The following KCNQ5 variants were observed in gnomAD, a reference collection of about 807,000 sequenced individuals.
KCNQ5 encodes the protein potassium voltage-gated channel subfamily KQT member 5.
Under a neutral mutation model 98.2 loss-of-function variants are expected in KCNQ5, and 30 were observed. The ratio of observed to expected loss-of-function variants is 0.31; its 90% CI spans 0.23 to 0.41. The LOEUF (loss-of-function observed/expected upper bound fraction) is 0.41. KCNQ5 is among the 10% of genes least tolerant of loss of function. KCNQ5 has a pLI of 1.00. For missense variants in KCNQ5, 835 were observed against 1,182.5 expected (o/e 0.71, Z 4.31); for synonymous variants, 458 against 449.4 (o/e 1.02, Z -0.24).
chr6:72,783,851 G>T (rs551947791), intron 1 of KCNQ5, among the ~76,000 whole-genome samples: 1 of 152,280 alleles, frequency 6.6e-6, no homozygotes, highest in East Asian at 1.9e-4. Context: ...GCTGTTTTTG[G>T]ATTGGAGGCT....
rs1765720859 is a variant in KCNQ5 at position 73,194,768 on chromosome 6, T to A, written c.2153T>A (p.Ile718Asn). Residue 718 changes from isoleucine to asparagine, a missense_variant, in exon 14 of 14, where the codon ATT becomes AAT. This residue lies in a region of KCNQ5 where 416 missense variants were observed against 446.9 expected (regional missense o/e 0.93). Transcript: ENST00000370398. ...CACAGTCAAGCAACACAGGTGCCAA[T>A]TAGTCAAAGCGATGGCTCAGCAGTG... Reference protein sequence around the residue: ...TMHSQATQVPISQSDGSAVAA... With the variant: ...TMHSQATQVPNSQSDGSAVAA... 1 of 1,614,072 alleles carries A rather than the reference T, an allele frequency of 6.2e-7. No homozygotes were observed. The highest frequency in any genetic ancestry group is 1.3e-5 in the African/African-American group (1 of 74,932).
Position 73,194,637 on chromosome 6 carries a change from C to A in KCNQ5, c.2022C>A (p.Gly674=). 6.2e-7 allele frequency: 1 copy of A among 1,614,246 alleles called. No individual in the cohort carries two copies. Residue 674 remains glycine (G), a synonymous_variant, in exon 14 of 14, where the codon GGC becomes GGA. Transcript: ENST00000370398. ...KDLSGSAQNS[G]CLSRSTSANI... is the part of the protein sequence containing the mutation. ...TTTCGGGTTCCGCACAAAACAGTGGCTGCTTATCCAGATCAACTAGTGCCA... is the reference window on the plus strand; with the variant it reads ...TTTCGGGTTCCGCACAAAACAGTGGATGCTTATCCAGATCAACTAGTGCCA...
chr6:72,733,916 T>C (rs114255956), intron 1 of KCNQ5, among the ~76,000 whole-genome samples: 1,680 of 152,276 alleles, frequency 0.011, 31 homozygotes, highest in African/African-American at 0.036. Context: ...AGTGCTCTAC[T>C]CAGTAATTCA....
Position 72,795,767 on chromosome 6 carries a change from T to C in KCNQ5, c.398+173180T>C, listed in dbSNP as rs182095138. On this transcript the variant is annotated intron_variant, in intron 1 of 13. Coordinates refer to ENST00000370398, the MANE Select transcript of KCNQ5 (RefSeq NM_019842.4). Reference sequence around the variant, plus strand: ...CCAAAAGTTTACACAAAAATTGTTTTAATCTGATTTTCCCCATCCCAGCTA... The same window carrying C: ...CCAAAAGTTTACACAAAAATTGTTTCAATCTGATTTTCCCCATCCCAGCTA... 1.9e-3 allele frequency among the ~76,000 whole-genome samples: 291 copies of C among 152,314 alleles called. 3 individuals are homozygous for C. The highest frequency in any genetic ancestry group is 0.013 in the Admixed American group (201 of 15,296).
At chr6:73,167,485 A>G (rs1368076760) in intron 10 of KCNQ5, among the ~76,000 whole-genome samples, 2 of 152,228 alleles carry the variant, frequency 1.3e-5, no homozygotes, top group Non-Finnish European at 2.9e-5. Context: ...TGCCACCTTC[A>G]TGGCCTCAGA....
In KCNQ5 at chr6:72,645,204, C is replaced by CAAA. The variant is rs771967081; in HGVS notation, c.398+22624_398+22626dup. Among the ~76,000 whole-genome samples the CAAA allele has an allele frequency of 3.5e-4, 41 of 117,136 alleles. 1 individual carries two copies. The highest frequency in any genetic ancestry group is 5.3e-4 in the Non-Finnish European group (31 of 58,736). 76.8% of individuals were successfully genotyped at this position (117,136 alleles called of 152,430 possible). The stretch of plus-strand genomic sequence containing the variant: ...GGGCTATATAGTGAGACCTTGTCAC[C>CAAA]AAAAAAAAACAAAAAAAAACAAAAA... On this transcript the variant is annotated intron_variant, in intron 1 of 13. Transcript: ENST00000370398.
chr6:72,815,741 G>A (rs961710371), intron 1 of KCNQ5, among the ~76,000 whole-genome samples: 1 of 152,140 alleles, frequency 6.6e-6, no homozygotes, highest in Non-Finnish European at 1.5e-5. Flanking sequence ...AATGAGACTG[G>A]TGCAAGAGGG....
At chr6:72,875,790 T>C (rs1394874882) in intron 1 of KCNQ5, among the ~76,000 whole-genome samples, 1 of 152,114 alleles carries the variant, frequency 6.6e-6, no homozygotes, top group African/African-American at 2.4e-5. Flanking sequence ...AATAATATTA[T>C]CATCACTAAT....
At chr6:73,048,048 A>G (rs1241006007) in intron 3 of KCNQ5, among the ~76,000 whole-genome samples, 2 of 152,252 alleles carry the variant, frequency 1.3e-5, no homozygotes, top group Non-Finnish European at 2.9e-5. Context: ...GCTGTATGGC[A>G]CCAAATGGGC....
rs1192771782 is a variant in KCNQ5, at chr6:72,912,273, AACTT to A, written c.399-91633_399-91630del. 5.3e-5 allele frequency among the ~76,000 whole-genome samples: 8 copies of A among 152,326 alleles called. No homozygotes were observed. The South Asian group carries it at 1.7e-3, about 32-fold the overall frequency. ...TGTACATATAGGTAAATCAAAAAAA[AACTT>A]AATGGGCATATTAATTCATAACTTT... On this transcript the variant is annotated intron_variant, in intron 1 of 13. Coordinates refer to ENST00000370398, the MANE Select transcript of KCNQ5 (RefSeq NM_019842.4).
rs114559788 is a variant in KCNQ5 at position 73,113,558 on chromosome 6, C to T, written c.1125+2155C>T. Reference sequence around the variant, plus strand: ...CCACTTCTCAAGTGTTCAATAGCTACAGGTGGCTATCGGCTGCCATACCAT... The same window carrying T: ...CCACTTCTCAAGTGTTCAATAGCTATAGGTGGCTATCGGCTGCCATACCAT... On this transcript the variant is annotated intron_variant, in intron 7 of 13. Transcript: ENST00000370398. Among the ~76,000 whole-genome samples the T allele has an allele frequency of 1.6e-3, 249 of 152,364 alleles. 1 individual carries two copies. Among genetic ancestry groups the T allele is most frequent in the African/African-American group, 5.2e-3 (216 of 41,586 alleles).
intron 1 of KCNQ5, among the ~76,000 whole-genome samples, chr6:72,859,962 C>CA (rs35054020): frequency 0.1 from 14,089 of 137,750 alleles, 1,800 homozygotes; most frequent in African/African-American, 0.3. Context: ...TCCTATTCAC[C>CA]AAAAAAAAAA....
intron 1 of KCNQ5, among the ~76,000 whole-genome samples, chr6:72,717,751 C>T (rs1308871097): frequency 2.0e-5 from 3 of 152,136 alleles, no homozygotes; most frequent in Non-Finnish European, 1.5e-5. Context: ...TGTTATCATC[C>T]ATCTAAGCCA....
intron 1 of KCNQ5, among the ~76,000 whole-genome samples, chr6:72,641,233 G>A (rs2098927023): frequency 6.6e-6 from 1 of 152,088 alleles, no homozygotes; most frequent in Non-Finnish European, 1.5e-5. Context: ...AATATTTCCT[G>A]AAATCAAGCA....
At chr6:72,831,156 T>G (rs570584227) in intron 1 of KCNQ5, among the ~76,000 whole-genome samples, 2 of 152,184 alleles carry the variant, frequency 1.3e-5, no homozygotes, top group African/African-American at 4.8e-5. Flanking sequence ...TCTACCATTG[T>G]GGAAGACAGT....
At chr6:73,108,535 C>T (rs971285353) in intron 6 of KCNQ5, among the ~76,000 whole-genome samples, 1 of 152,020 alleles carries the variant, frequency 6.6e-6, no homozygotes, top group Admixed American at 6.6e-5. Flanking sequence ...TTTAAAAAAA[C>T]AGGGCATCTT....
In KCNQ5 at chr6:73,150,387, G is replaced by A. The variant is rs550975006; in HGVS notation, c.1468+16746G>A. 1.8e-4 allele frequency among the ~76,000 whole-genome samples: 27 copies of A among 149,896 alleles called. No individual in the cohort carries two copies. The South Asian group carries it at 3.3e-3, about 19-fold the overall frequency. On this transcript the variant is annotated intron_variant, in intron 10 of 13. Transcript: ENST00000370398. ...CCATAAATCCTATATATGCATGGTC[G>A]TAGTAGCTTTCTTTGTAATGACCCA...
chr6:72,667,242 A>G (rs1437359251), intron 1 of KCNQ5, among the ~76,000 whole-genome samples: 4 of 152,132 alleles, frequency 2.6e-5, no homozygotes, highest in Non-Finnish European at 5.9e-5. Context: ...GGCTTGATCT[A>G]TTAAATTAAG....
In KCNQ5 at chr6:73,150,239, C is replaced by T. The variant is rs114174282; in HGVS notation, c.1468+16598C>T. Among the ~76,000 whole-genome samples, 562 of 151,854 alleles carry T rather than the reference C, an allele frequency of 3.7e-3. 4 individuals are homozygous for T. The highest frequency in any genetic ancestry group is 0.013 in the African/African-American group (532 of 41,468). Reference sequence around the variant, plus strand: ...AATGCTGGGGGAGATGCAAAGAAGCCGGATCACTTACACATTGCTGGTGGG... The same window carrying T: ...AATGCTGGGGGAGATGCAAAGAAGCTGGATCACTTACACATTGCTGGTGGG... On this transcript the variant is annotated intron_variant, in intron 10 of 13. Coordinates refer to ENST00000370398, the MANE Select transcript of KCNQ5 (RefSeq NM_019842.4).
Sources: allele counts gnomAD v4.1 joint callset (sites outside exome capture counted in the v4.1 genomes callset), GRCh38; gene constraint gnomAD v4.1.1; regional missense constraint gnomAD v4.1.1; transcripts MANE v1.5; gene names NCBI Gene and HGNC (gene_info 2026-07-23, HGNC 2026-07-21).